The following VPS13C variants were observed in gnomAD, a reference collection of about 807,000 sequenced individuals.
The protein encoded by VPS13C is intermembrane lipid transfer protein VPS13C.
A neutral mutation model predicts 456.8 loss-of-function variants in VPS13C; 358 were observed. That is an observed-to-expected ratio of 0.78 (90% CI 0.72 to 0.86). The LOEUF (loss-of-function observed/expected upper bound fraction) is 0.86, where lower values mean the gene tolerates loss of function less well. Among genes scored for constraint, VPS13C ranks in the 40% least tolerant of loss-of-function variants. The pLI is 0.00. For missense variants in VPS13C, 4,818 were observed against 4,385.4 expected, an observed-to-expected ratio of 1.10 and a Z score of -2.79; for synonymous variants, 1,578 against 1,486.7, an observed-to-expected ratio of 1.06 and a Z score of -1.41.
chr15:61,965,441 G>C (rs2045348954), intron 30 of VPS13C, among the ~76,000 whole-genome samples: 1 of 151,708 alleles, frequency 6.6e-6, no homozygotes, highest in African/African-American at 2.4e-5. Flanking sequence ...AGCTAAAATA[G>C]CAATACAAAT....
At position 61,998,858 on chromosome 15, in the gene VPS13C, T is replaced by A. The variant is rs539778207; in HGVS notation, c.1353+1706A>T. 2.0e-5 allele frequency among the ~76,000 whole-genome samples: 3 copies of A among 152,324 alleles called. No individual in the cohort carries two copies. The South Asian group carries it at 6.2e-4, about 32-fold the overall frequency. On this transcript the variant is annotated intron_variant, in intron 16 of 84. Transcript: ENST00000644861. ...TTTCTCCTCCCACTCCTCAGCTTAC[T>A]CAATGTGAAGACCTTTATGGTGATC...
At chr15:61,896,444 G>C (rs950243139) in intron 66 of VPS13C, among the ~76,000 whole-genome samples, 1 of 152,198 alleles carries the variant, frequency 6.6e-6, no homozygotes, top group Non-Finnish European at 1.5e-5. Context: ...CTCGGGAAGC[G>C]CAAGGGGTCA....
rs1269495260 is a variant in VPS13C at position 61,961,474 on chromosome 15, C to T, written c.3908+115G>A. 11 of 969,934 alleles carry T rather than the reference C, an allele frequency of 1.1e-5. 1 individual carries two copies. In the South Asian group the frequency reaches 1.4e-4, roughly 12 times the overall value. The allele number at this position is 969,934 out of a possible 1,614,324, so 60.1% of individuals were successfully genotyped here. On this transcript the variant is annotated intron_variant, in intron 35 of 84. Coordinates refer to ENST00000644861, the MANE Select transcript of VPS13C (RefSeq NM_020821.3). ...ATGACAACAATAAAAAAAACTGTTC[C>T]GTGTAATGGAACAGTTTATTTGAAT...
In VPS13C at chr15:61,856,282, T is replaced by G; in HGVS notation, c.11076+4A>C. 1.2e-6 allele frequency: 2 copies of G among 1,612,884 alleles called. No individual in the cohort carries two copies. The highest frequency in any genetic ancestry group is 1.7e-6 in the Non-Finnish European group (2 of 1,179,312). On this transcript the variant is annotated splice_donor_region_variant and intron_variant, in intron 83 of 84. Transcript: ENST00000644861. Reference sequence around the variant, plus strand: ...AGCTCTAAAGGTGTGACATGTTTTCTTACCTTAACTGAAATTTTTAGCACA... The same window carrying G: ...AGCTCTAAAGGTGTGACATGTTTTCGTACCTTAACTGAAATTTTTAGCACA...
intron 66 of VPS13C, among the ~76,000 whole-genome samples, chr15:61,898,252 A>G (rs959003266): frequency 3.0e-4 from 46 of 152,270 alleles, no homozygotes; most frequent in African/African-American, 1.1e-3. Context: ...ACATATAACA[A>G]TATTAACTTT....
chr15:61,936,633 T>C lies in VPS13C; in HGVS notation c.5719A>G (p.Lys1907Glu). The C allele has an allele frequency of 6.3e-7, 1 of 1,588,138 alleles. No individual in the cohort carries two copies. Among genetic ancestry groups the C allele is most frequent in the Non-Finnish European group, 8.5e-7 (1 of 1,170,616 alleles). ...TCAGGTACACTTGAAACATCAACTT[T>C]TCTCACTCTTACAGTCTCCTGCACA... ...QSVQETVRVRKVDVSSVPDHL... is the reference protein window; with the variant it reads ...QSVQETVRVREVDVSSVPDHL... The change falls in exon 48 of 85, where the codon AAA becomes GAA. Residue 1907 changes from lysine (K) to glutamate (E), a missense_variant. Around this residue, in one of 3 missense-constraint regions of VPS13C, gnomAD observed 4,552 missense variants for 4,130.6 expected, o/e 1.10. Coordinates refer to ENST00000644861, the MANE Select transcript of VPS13C (RefSeq NM_020821.3).
At position 62,044,087 on chromosome 15, in the gene VPS13C, A is replaced by G. The variant is rs1330632104; in HGVS notation, c.144+125T>C. 6 of 596,664 alleles carry G rather than the reference A, an allele frequency of 1.0e-5. No homozygotes were observed. The African/African-American group carries it at 1.2e-4, about 12-fold the overall frequency. 37.0% of individuals were successfully genotyped at this position (596,664 alleles called of 1,614,324 possible). On this transcript the variant is annotated intron_variant, in intron 2 of 84. Coordinates refer to ENST00000644861, the MANE Select transcript of VPS13C (RefSeq NM_020821.3). ...AGATTTTCCAACAGCAAATAGTTGA[A>G]CAAGTAATCCCTTGAGTGATTCCAT... is the stretch of plus-strand genomic sequence containing the variant.
At chr15:62,050,894 A>G (rs1054955235) in intron 1 of VPS13C, among the ~76,000 whole-genome samples, 2 of 152,004 alleles carry the variant, frequency 1.3e-5, no homozygotes, top group African/African-American at 2.4e-5. Flanking sequence ...ATGAAAATGG[A>G]AGTAAATTAG....
chr15:62,044,666 T>C (rs2048347867), intron 1 of VPS13C, among the ~76,000 whole-genome samples: 2 of 152,152 alleles, frequency 1.3e-5, no homozygotes, highest in South Asian at 4.1e-4. Context: ...TCAATTAACA[T>C]TTTCTTCAGA....
In VPS13C at chr15:62,021,870, G is replaced by T. The variant is rs1049594809; in HGVS notation, c.625-1332C>A. Among the ~76,000 whole-genome samples the T allele has an allele frequency of 2.0e-5, 3 of 151,918 alleles. No homozygotes were observed. The East Asian group carries it at 5.8e-4, about 29-fold the overall frequency. On this transcript the variant is annotated intron_variant, in intron 8 of 84. Transcript: ENST00000644861. ...GTTTTATTAAAGACAACCCTCAGTT[G>T]CTAATGTACTATCTACAAACCACAG...
At chr15:61,919,542 T>C in intron 57 of VPS13C, 93 bp from the exon 58 acceptor site, 1 of 1,243,790 alleles carries the variant, frequency 8.0e-7, no homozygotes, top group Non-Finnish European at 1.1e-6. Context: ...ATGAAGAGTA[T>C]TTTTCCTCAT....
intron 51 of VPS13C, among the ~76,000 whole-genome samples, chr15:61,928,518 A>G (rs191169434): frequency 6.6e-6 from 1 of 152,336 alleles, no homozygotes; most frequent in East Asian, 1.9e-4. Context: ...TTACCAGGAC[A>G]TATTAGTTTT....
At chr15:62,020,569 A>C (rs1030666873) in intron 8 of VPS13C, 31 bp from the exon 9 acceptor site, 2 of 1,605,756 alleles carry the variant, frequency 1.2e-6, no homozygotes, top group African/African-American at 1.3e-5. Context: ...ACAGTAAAAT[A>C]TGCTGATGGT....
At chr15:61,854,658 G>T (rs2140827883) in intron 84 of VPS13C, 100 bp from the exon 85 acceptor site, 1 of 1,264,606 alleles carries the variant, frequency 7.9e-7, no homozygotes, top group Non-Finnish European at 1.2e-6. Context: ...CTCCAAACAG[G>T]ACCAACAGCT....
Position 62,023,740 on chromosome 15 carries a change from T to C in VPS13C, c.514+40A>G, listed in dbSNP as rs750155837. On this transcript the variant is annotated intron_variant, in intron 7 of 84. Coordinates refer to ENST00000644861, the MANE Select transcript of VPS13C (RefSeq NM_020821.3). ...CCAAATCAGAAATAAAGTGGCAATG[T>C]GTATAAACAACACCATGGCATAAAA... 1.2e-5 allele frequency: 19 copies of C among 1,524,186 alleles called. No homozygotes were observed. The South Asian group carries it at 2.1e-4, about 17-fold the overall frequency. 94.4% of individuals were successfully genotyped at this position (1,524,186 alleles called of 1,614,324 possible).
At position 61,969,630 on chromosome 15, in the gene VPS13C, G is replaced by A. The variant is rs542535928; in HGVS notation, c.2758-178C>T. ...TACAAAACTTAAATTCTATTGTTGA[G>A]AATATAAATACATTTATAAAAAAAT... On this transcript the variant is annotated intron_variant, in intron 27 of 84. Transcript: ENST00000644861. Among the ~76,000 whole-genome samples the A allele has an allele frequency of 2.6e-5, 4 of 152,100 alleles. No homozygotes were observed. The South Asian group carries it at 8.3e-4, about 32-fold the overall frequency.
At position 61,882,831 on chromosome 15, in the gene VPS13C, T is replaced by C. The variant is rs529163692; in HGVS notation, c.9484-95A>G. The C allele has an allele frequency of 1.9e-5, 25 of 1,313,944 alleles. No individual in the cohort carries two copies. The South Asian group carries it at 4.7e-4, about 25-fold the overall frequency. 81.4% of individuals were successfully genotyped at this position (1,313,944 alleles called of 1,614,324 possible). ...GTTTATTGATCAAATTGAAAAAATC[T>C]TTATCTTTATGTCTCACCAACAGAT... On this transcript the variant is annotated intron_variant, in intron 68 of 84. Coordinates refer to ENST00000644861, the MANE Select transcript of VPS13C (RefSeq NM_020821.3).
chr15:61,867,636 T>C lies in VPS13C; in HGVS notation c.10863+1023A>G. ...AAAATTTTCGAAATGATAGTAACAGTATCTGCTTCTGAGCTCAATAAAGGC... is the reference window on the plus strand; with the variant it reads ...AAAATTTTCGAAATGATAGTAACAGCATCTGCTTCTGAGCTCAATAAAGGC... On this transcript the variant is annotated intron_variant, in intron 81 of 84. Transcript: ENST00000644861. The surrounding 1 kb of genome is among the most constrained non-coding windows in gnomAD (Gnocchi z 5.0). 1.7e-6 allele frequency: 2 copies of C among 1,161,516 alleles called. No homozygotes were observed. Among genetic ancestry groups the C allele is most frequent in the Non-Finnish European group, 2.1e-6 (2 of 942,352 alleles). The allele number at this position is 1,161,516 out of a possible 1,614,324, so 72.0% of individuals were successfully genotyped here.
Position 61,877,033 on chromosome 15 carries a change from T to G in VPS13C, c.10164A>C (p.Arg3388=). The G allele has an allele frequency of 6.2e-7, 1 of 1,608,782 alleles. No homozygotes were observed. The highest frequency in any genetic ancestry group is 8.5e-7 in the Non-Finnish European group (1 of 1,177,148). The change falls in exon 75 of 85, where the codon CGA becomes CGC. Residue 3388 remains arginine (R), a synonymous_variant. Coordinates refer to ENST00000644861, the MANE Select transcript of VPS13C (RefSeq NM_020821.3). ...GCTGATCTCTCTTGTAGAACTGATA[T>G]CGAATTTCATAATAAGCAAGTCTGG... ...LIFKLAYYEI[R]YQFYKRDQLI... is the part of the protein sequence containing the mutation.
Sources: allele counts gnomAD v4.1 joint callset (sites outside exome capture counted in the v4.1 genomes callset), GRCh38; gene constraint gnomAD v4.1.1; regional missense constraint gnomAD v4.1.1; non-coding constraint Gnocchi (gnomAD v3.1); transcripts MANE v1.5; gene names NCBI Gene and HGNC (gene_info 2026-07-23, HGNC 2026-07-21).